TTN: variants seen among roughly 807,000 people sequenced by gnomAD.
The protein encoded by TTN is titin.
TTN carries 1,525 observed loss-of-function variants against 3,223.0 expected under a neutral mutation model. The observed-to-expected ratio is 0.47, with a 90% CI of 0.45 to 0.49. TTN has a LOEUF of 0.49. Among genes scored for constraint, TTN ranks in the 20% least tolerant of loss-of-function variants. TTN has a pLI of 0.00. For synonymous variants in TTN, 14,094 were observed against 15,161.0 expected, an observed-to-expected ratio of 0.93 and a Z score of 5.17; for missense variants, 40,786 against 43,424.0, an observed-to-expected ratio of 0.94 and a Z score of 5.40.
intron 2 of TTN, among the ~76,000 whole-genome samples, chr2:178,803,033 G>T (rs2094142264): frequency 6.6e-6 from 1 of 152,126 alleles, no homozygotes; most frequent in Non-Finnish European, 1.5e-5. Context: ...ACATGTCCAT[G>T]GTTTGATGTT....
chr2:178,740,656 G>T lies in TTN; in HGVS notation c.12577C>A (p.Gln4193Lys), dbSNP rs1412669990. 5.0e-6 allele frequency: 8 copies of T among 1,613,648 alleles called. No individual in the cohort carries two copies. Among genetic ancestry groups the T allele is most frequent in the African/African-American group, 2.7e-5 (2 of 74,892 alleles). ...KIFPSAMSIE[Q>K]INSLTVEPLK... ...GGCTCAACTGTTAATGAATTAATTT[G>T]TTCTATGGACATGGCACTTGGGAAG... Residue 4193 changes from glutamine (Q) to lysine (K), a missense_variant, in exon 48 of 363, where the codon CAA (glutamine) becomes AAA (lysine). Coordinates refer to ENST00000589042, the MANE Select transcript of TTN (RefSeq NM_001267550.2).
At position 178,756,657 on chromosome 2, in the gene TTN, C is replaced by A. The variant is rs553898317; in HGVS notation, c.10819G>T (p.Glu3607Ter). The A allele has an allele frequency of 5.6e-6, 9 of 1,613,820 alleles. No individual in the cohort carries two copies. The East Asian group carries it at 1.8e-4, about 32-fold the overall frequency. The change falls in exon 46 of 363, where the codon GAA becomes TAA. Residue 3607 changes from glutamate (E) to a stop codon, truncating the protein, a stop_gained. Coordinates refer to ENST00000589042, the MANE Select transcript of TTN (RefSeq NM_001267550.2). LOFTEE classifies it high-confidence loss of function. ...EIKSFQGSSY[E>*]YEVQVFESVS... ...CTTTCAAAAACCTGCACTTCATATT[C>A]ATATGATGATCCTTGAAATGACTTA... is the stretch of plus-strand genomic sequence containing the variant.
At chr2:178,598,185 G>T in intron 292 of TTN, 127 bp from the exon 293 acceptor site, 1 of 1,121,088 alleles carries the variant, frequency 8.9e-7, no homozygotes, top group Non-Finnish European at 1.3e-6. Flanking sequence ...TGCTGGTTTA[G>T]GTTTTAGGGA....
rs773209033 is a variant in TTN, at chr2:178,609,802, A to G, written c.51621T>C (p.Tyr17207=). 5.0e-6 allele frequency: 8 copies of G among 1,612,698 alleles called. No homozygotes were observed. In the East Asian group the frequency reaches 6.7e-5, roughly 14 times the overall value. The change falls in exon 272 of 363, where the codon TAT becomes TAC. Residue 17207 remains tyrosine (Y), a synonymous_variant. Coordinates refer to ENST00000589042, the MANE Select transcript of TTN (RefSeq NM_001267550.2). Reference sequence around the variant, plus strand: ...TCCCCTCTTCAAGTCCTTTTGCTGTATAGGTCAGGATTGGTACCAGGTGTT... The same window carrying G: ...TCCCCTCTTCAAGTCCTTTTGCTGTGTAGGTCAGGATTGGTACCAGGTGTT... The part of the protein sequence containing the change: ...CNEHLVPILT[Y]TAKGLEEGKE...
intron 217 of TTN, chr2:178,645,317 T>C (rs2061762133): frequency 6.6e-6 from 1 of 151,968 alleles, no homozygotes; most frequent in Admixed American, 6.6e-5. Context: ...TCATAACCAC[T>C]CTTTCCAGCT....
At chr2:178,646,331 C>T (rs1341783017) in intron 216 of TTN, among the ~76,000 whole-genome samples, 154 bp downstream of exon 216, 1 of 151,166 alleles carries the variant, frequency 6.6e-6, no homozygotes, top group East Asian at 2.0e-4. Flanking sequence ...GTACAAGTTA[C>T]ATGGAAACCT....
At chr2:178,789,537 G>C in intron 12 of TTN, 40 bp from the exon 13 acceptor site, 5 of 1,611,448 alleles carry the variant, frequency 3.1e-6, no homozygotes, top group South Asian at 2.2e-5. Context: ...GTTGAACAGG[G>C]CTTCAAACAC....
At position 178,710,789 on chromosome 2, in the gene TTN, T is replaced by G. The variant is rs906433178; in HGVS notation, c.28308A>C (p.Glu9436Asp). ...IKVSWAKDSR[E>D]IRSGGKYQIS... is the part of the protein sequence containing the mutation. ...TCTGGTACTTTCCGCCACTTCGTAT[T>G]TCTCTGCTGTCTTTGGCCCAGCTGA... is the stretch of plus-strand genomic sequence containing the variant. The change falls in exon 98 of 363, where the codon GAA becomes GAC. Residue 9436 changes from glutamate to aspartate, a missense_variant. Physicochemically the swap from Glu to Asp is conservative, Grantham distance 45. Transcript: ENST00000589042. 1.9e-6 allele frequency: 3 copies of G among 1,613,810 alleles called. No individual in the cohort carries two copies. In the Admixed American group the frequency reaches 5.0e-5, roughly 27 times the overall value.
At chr2:178,706,326 G>T in intron 102 of TTN, 128 bp downstream of exon 102, 1 of 957,022 alleles carries the variant, frequency 1.0e-6, no homozygotes, top group Non-Finnish European at 1.5e-6. Context: ...TTGTTATGCT[G>T]TATTGTTTAT....
In TTN at chr2:178,649,617, T is replaced by C; in HGVS notation, c.39910A>G (p.Lys13304Glu). Residue 13304 changes from lysine to glutamate, a missense_variant, in exon 212 of 363, where the codon AAG becomes GAG. Physicochemically the swap from Lys to Glu is moderately conservative, Grantham distance 56. Coordinates refer to ENST00000589042, the MANE Select transcript of TTN (RefSeq NM_001267550.2). ...APPPKEPEMP[K>E]KVVPVKKVPT... ...ACCTTCTTCACTGGAACAACTTTCT[T>C]TGGCATCTCAGGTTCTTTAAAGATA... 1.3e-6 allele frequency: 2 copies of C among 1,550,448 alleles called. No individual in the cohort carries two copies. Among genetic ancestry groups the C allele is most frequent in the South Asian group, 2.4e-5 (2 of 84,042 alleles).
chr2:178,702,407 A>G, intron 107 of TTN, 47 bp downstream of exon 107: 1 of 1,610,956 alleles, frequency 6.2e-7, no homozygotes, highest in East Asian at 2.2e-5. Flanking sequence ...CAGAAAACAG[A>G]CGAGGCTTAA....
chr2:178,621,720 T>C lies in TTN; in HGVS notation c.45104A>G (p.Lys15035Arg). 1 of 1,611,494 alleles carries C rather than the reference T, an allele frequency of 6.2e-7. No individual in the cohort carries two copies. The highest frequency in any genetic ancestry group is 8.5e-7 in the Non-Finnish European group (1 of 1,178,788). ...ACTAACTTCAATGTTGGCAAGATTT[T>C]TGGTAAAGACAGCTTCTTCTTCTGC... ...TVLEEEAVFTKNLANIEVSET... is the reference protein window; with the variant it reads ...TVLEEEAVFTRNLANIEVSET... Residue 15035 changes from lysine (K) to arginine (R), a missense_variant, in exon 245 of 363, where the codon AAA becomes AGA. Coordinates refer to ENST00000589042, the MANE Select transcript of TTN (RefSeq NM_001267550.2).
chr2:178,667,593 C>A, intron 160 of TTN, 45 bp downstream of exon 160: 1 of 1,576,982 alleles, frequency 6.3e-7, no homozygotes, highest in Non-Finnish European at 8.6e-7. Flanking sequence ...TTAAAAGGGG[C>A]CAAAAAATAA....
chr2:178,650,916 C>A, intron 208 of TTN, 82 bp from the exon 209 acceptor site: 1 of 1,407,552 alleles, frequency 7.1e-7, no homozygotes, highest in South Asian at 1.2e-5. Context: ...ACATTTTGCT[C>A]AAATAACCCA....
intron 223 of TTN, among the ~76,000 whole-genome samples, chr2:178,638,573 T>G (rs2060810113): frequency 6.6e-6 from 1 of 151,330 alleles, no homozygotes; most frequent in South Asian, 2.1e-4. Context: ...TTTTTTTAAA[T>G]TCACCCTGAA....
chr2:178,610,389 C>T lies in TTN; in HGVS notation c.51137G>A (p.Gly17046Asp). ...AATATCTTTGCATGGTCCAGGTAGG[C>T]CTATTACAAAAATGGATAATTATTC... ...ATASINVKVI[G>D]LPGPCKDIKA... Residue 17046 changes from glycine (G) to aspartate (D), a missense_variant and splice_region_variant, in exon 271 of 363, where the codon GGC becomes GAC. Transcript: ENST00000589042. 6.2e-7 allele frequency: 1 copy of T among 1,605,752 alleles called. No individual in the cohort carries two copies. The highest frequency in any genetic ancestry group is 8.5e-7 in the Non-Finnish European group (1 of 1,177,542).
chr2:178,622,822 C>G, intron 242 of TTN, 55 bp from the exon 243 acceptor site: 1 of 1,315,246 alleles, frequency 7.6e-7, no homozygotes, highest in Non-Finnish European at 1.1e-6. Context: ...TTTACTCTGA[C>G]ATTACCATAG....
rs1483974371 is a variant in TTN, at chr2:178,725,844, T to C, written c.20478A>G (p.Ser6826=). The C allele has an allele frequency of 6.2e-7, 1 of 1,613,322 alleles. No individual in the cohort carries two copies. Among genetic ancestry groups the C allele is most frequent in the Non-Finnish European group, 8.5e-7 (1 of 1,179,506 alleles). ...TSIHILNVDT[S]DIGEYHCKAQ... Reference sequence around the variant, plus strand: ...CTTTGCAGTGGTATTCACCGATGTCTGAAGTGTCCACATTGAGAATGTGAA... The same window carrying C: ...CTTTGCAGTGGTATTCACCGATGTCCGAAGTGTCCACATTGAGAATGTGAA... The change falls in exon 70 of 363, where the codon TCA becomes TCG. Residue 6826 remains serine, a synonymous_variant. Transcript: ENST00000589042.
At chr2:178,724,577 A>G in intron 71 of TTN, 39 bp from the exon 72 acceptor site, 2 of 1,533,118 alleles carry the variant, frequency 1.3e-6, no homozygotes, top group East Asian at 2.3e-5. Context: ...AAAGTCTGGG[A>G]TCTTTACTCT....
Sources: allele counts gnomAD v4.1 joint callset (sites outside exome capture counted in the v4.1 genomes callset), GRCh38; gene constraint gnomAD v4.1.1; transcripts MANE v1.5; gene names NCBI Gene and HGNC (gene_info 2026-07-23, HGNC 2026-07-21).